The following HDAC4 variants were observed in gnomAD, a reference collection of about 807,000 sequenced individuals.
The protein encoded by HDAC4 is histone deacetylase A.
Under a neutral mutation model 135.1 loss-of-function variants are expected in HDAC4, and 16 were observed. The observed-to-expected ratio is 0.12, with a 90% CI of 0.08 to 0.18. The LOEUF (loss-of-function observed/expected upper bound fraction) is 0.18, where lower values mean the gene tolerates loss of function less well. Ranked by LOEUF, HDAC4 falls within the 10% of genes least tolerant of loss-of-function variation. HDAC4 has a pLI of 1.00. For synonymous variants in HDAC4, 685 were observed against 653.4 expected, an observed-to-expected ratio of 1.05 and a Z score of -0.74; for missense variants, 1,143 against 1,511.8, an observed-to-expected ratio of 0.76 and a Z score of 4.05.
Position 239,303,743 on chromosome 2 carries a change from C to T in HDAC4, c.22+48935G>A, listed in dbSNP as rs2052407905. Among the ~76,000 whole-genome samples the T allele has an allele frequency of 6.6e-6, 1 of 152,180 alleles. No homozygotes were observed. Among genetic ancestry groups the T allele is most frequent in the African/African-American group, 2.4e-5 (1 of 41,442 alleles). The stretch of plus-strand genomic sequence containing the variant: ...CGTCGGGCAGCAACTGCAGGCCTCA[C>T]CCCTCACTCTTCAAAAGCGACTGCG... On this transcript the variant is annotated intron_variant, in intron 2 of 26. Transcript: ENST00000543185. This position sits in a 1 kb window ranked among gnomAD's most constrained non-coding sequence, Gnocchi z 5.1.
intron 2 of HDAC4, among the ~76,000 whole-genome samples, chr2:239,272,854 G>C (rs1380922381): frequency 6.6e-6 from 1 of 152,152 alleles, no homozygotes; most frequent in Non-Finnish European, 1.5e-5. Context: ...CCCTTAGACA[G>C]GCATCTACCC....
intron 1 of HDAC4, among the ~76,000 whole-genome samples, chr2:239,389,215 A>G (rs1696032706): frequency 6.6e-6 from 1 of 152,172 alleles, no homozygotes; most frequent in African/African-American, 2.4e-5. Context: ...GGGGACAAAT[A>G]ACGGAATAAT....
Position 239,400,822 on chromosome 2 carries a change from C to T in HDAC4, c.-220+156G>A, listed in dbSNP as rs1247645917. The T allele has an allele frequency of 6.2e-5, 9 of 146,252 alleles. No individual in the cohort carries two copies. Among genetic ancestry groups the T allele is most frequent in the African/African-American group, 2.2e-4 (9 of 40,582 alleles). 9.1% of individuals were successfully genotyped at this position (146,252 alleles called of 1,614,324 possible). On this transcript the variant is annotated intron_variant, in intron 1 of 26. Coordinates refer to ENST00000543185, the MANE Select transcript of HDAC4 (RefSeq NM_001378414.1). The surrounding 1 kb of genome is among the most constrained non-coding windows in gnomAD (Gnocchi z 4.7). ...CGACAGCCGGGACGCGGCCACGGCG[C>T]CGCCGGGGGCCCAGGCTGGGAGGCT...
chr2:239,128,308 C>T (rs1422586969), intron 11 of HDAC4, among the ~76,000 whole-genome samples: 3 of 83,286 alleles, frequency 3.6e-5, no homozygotes, highest in Admixed American at 1.4e-4. Flanking sequence ...TTTGAGAGGC[C>T]GAGGTGGGTG....
At chr2:239,256,181 G>A (rs2049042308) in intron 2 of HDAC4, among the ~76,000 whole-genome samples, 2 of 152,226 alleles carry the variant, frequency 1.3e-5, no homozygotes, top group South Asian at 4.1e-4. Context: ...CAGAGCCACA[G>A]AAAGCGGTTC....
chr2:239,278,098 G>A (rs958545954), intron 2 of HDAC4, among the ~76,000 whole-genome samples: 1 of 152,138 alleles, frequency 6.6e-6, no homozygotes, highest in Non-Finnish European at 1.5e-5. Flanking sequence ...GCCACCTGGA[G>A]GCTCAGGGTG....
intron 8 of HDAC4, 107 bp downstream of exon 8, chr2:239,144,476 G>A (rs2041617827): frequency 8.4e-6 from 12 of 1,426,462 alleles, no homozygotes; most frequent in South Asian, 2.3e-5. Flanking sequence ...GGTTGACAGC[G>A]TGAGGCAGAC....
At chr2:239,378,561 C>T (rs1276267334) in intron 1 of HDAC4, among the ~76,000 whole-genome samples, 1 of 152,160 alleles carries the variant, frequency 6.6e-6, no homozygotes, top group Non-Finnish European at 1.5e-5. Context: ...CCTCTGCAGG[C>T]CTCCATGGGC....
chr2:239,389,647 A>G (rs1005417836), intron 1 of HDAC4, among the ~76,000 whole-genome samples: 1 of 152,156 alleles, frequency 6.6e-6, no homozygotes. Context: ...TGTGGCACCC[A>G]TGCACACTGA....
intron 6 of HDAC4, among the ~76,000 whole-genome samples, chr2:239,158,563 C>T (rs1031817788): frequency 1.3e-5 from 2 of 152,106 alleles, no homozygotes; most frequent in Non-Finnish European, 2.9e-5. Context: ...TTAAAACGAG[C>T]AGAGCAGCAG....
rs573346209 is a variant in HDAC4, at chr2:239,060,645, C to A, written c.3004-5812G>T. The stretch of plus-strand genomic sequence containing the variant: ...GCCACTGCTGAAGACAGTTTTAACC[C>A]TTAAAAAGCCGCTTGATGTTATCTC... On this transcript the variant is annotated intron_variant, in intron 24 of 26. Coordinates refer to ENST00000543185, the MANE Select transcript of HDAC4 (RefSeq NM_001378414.1). Among the ~76,000 whole-genome samples the A allele has an allele frequency of 3.9e-5, 6 of 152,368 alleles. No homozygotes were observed. The East Asian group carries it at 1.2e-3, about 29-fold the overall frequency.
At chr2:239,258,921 A>T (rs2049196109) in intron 2 of HDAC4, among the ~76,000 whole-genome samples, 2 of 152,240 alleles carry the variant, frequency 1.3e-5, no homozygotes, top group African/African-American at 4.8e-5. Context: ...CATGCTTTTC[A>T]CAAGGAAATA....
At chr2:239,260,132 C>A (rs1575548221) in intron 2 of HDAC4, among the ~76,000 whole-genome samples, 1 of 152,226 alleles carries the variant, frequency 6.6e-6, no homozygotes, top group African/African-American at 2.4e-5. Context: ...AGCTGAAAGA[C>A]AGAGGTTGGG....
At chr2:239,182,596 C>T (rs1429515120) in intron 4 of HDAC4, among the ~76,000 whole-genome samples, 5 of 151,616 alleles carry the variant, frequency 3.3e-5, no homozygotes. Context: ...TGTGTGATCT[C>T]GGCTTCGCTA....
At position 239,094,423 on chromosome 2, in the gene HDAC4, A is replaced by G. The variant is rs111473968; in HGVS notation, c.2280+587T>C. 5.3e-4 allele frequency: 329 copies of G among 621,558 alleles called. No individual in the cohort carries two copies. In the African/African-American group the frequency reaches 6.8e-3, roughly 13 times the overall value. The allele number at this position is 621,558 out of a possible 1,614,324, so 38.5% of individuals were successfully genotyped here. A position where few individuals can be genotyped will look rare whatever the true frequency, so the allele number is the denominator to read the frequency against. On this transcript the variant is annotated intron_variant, in intron 17 of 26. Coordinates refer to ENST00000543185, the MANE Select transcript of HDAC4 (RefSeq NM_001378414.1). ...TCCATATCATCAGCTCGTAGAAGCC[A>G]GCACAGCCCAGTGATTCATATGCCC...
At chr2:239,075,808 T>C (rs1008126369) in intron 22 of HDAC4, among the ~76,000 whole-genome samples, 9 of 151,964 alleles carry the variant, frequency 5.9e-5, no homozygotes, top group African/African-American at 9.7e-5. Flanking sequence ...TCCCAGGGAA[T>C]AGAGCTGGGC....
chr2:239,181,678 G>T (rs1161664584), intron 4 of HDAC4, among the ~76,000 whole-genome samples: 1 of 152,214 alleles, frequency 6.6e-6, no homozygotes, highest in Non-Finnish European at 1.5e-5. Context: ...GCCCAGGCCA[G>T]GCTGCCTGGC....
intron 16 of HDAC4, among the ~76,000 whole-genome samples, chr2:239,098,579 G>A (rs3791389): frequency 3.3e-5 from 5 of 152,226 alleles, no homozygotes; most frequent in Admixed American, 6.5e-5. Flanking sequence ...CTAGGGCAGC[G>A]GCCAGCCTGC....
intron 3 of HDAC4, among the ~76,000 whole-genome samples, chr2:239,197,123 C>A (rs1368764416): frequency 2.0e-5 from 3 of 152,200 alleles, no homozygotes; most frequent in Admixed American, 2.0e-4. Context: ...CAGGCTCCAG[C>A]TGTGTCTTAA....
Sources: allele counts gnomAD v4.1 joint callset (sites outside exome capture counted in the v4.1 genomes callset), GRCh38; gene constraint gnomAD v4.1.1; non-coding constraint Gnocchi (gnomAD v3.1); transcripts MANE v1.5; gene names NCBI Gene and HGNC (gene_info 2026-07-23, HGNC 2026-07-21).